The following UBASH3A variants were observed in gnomAD, a reference collection of about 807,000 sequenced individuals.
UBASH3A encodes the protein ubiquitin associated and SH3 domain containing A.
UBASH3A carries 63 observed loss-of-function variants against 73.5 expected under a neutral mutation model. The observed-to-expected ratio is 0.86, with a 90% CI of 0.70 to 1.06. UBASH3A has a LOEUF of 1.06. UBASH3A is among the 50% of genes least tolerant of loss of function. UBASH3A has a pLI of 0.00. For missense variants in UBASH3A, 860 were observed against 859.0 expected, an observed-to-expected ratio of 1.00 and a Z score of -0.02; for synonymous variants, 363 against 351.1, an observed-to-expected ratio of 1.03 and a Z score of -0.38.
intron 2 of UBASH3A, among the ~76,000 whole-genome samples, chr21:42,406,707 T>C (rs1038822885): frequency 2.6e-5 from 4 of 151,972 alleles, no homozygotes; most frequent in African/African-American, 9.7e-5. Context: ...AGCACGTAAA[T>C]GAGGGTAATT....
At chr21:42,412,541 G>A (rs536439040) in intron 3 of UBASH3A, among the ~76,000 whole-genome samples, 1 of 152,188 alleles carries the variant, frequency 6.6e-6, no homozygotes, top group East Asian at 1.9e-4. Flanking sequence ...TGTGGAACCC[G>A]ACTCAGTGCT....
At chr21:42,429,276 G>A (rs1415793894) in intron 8 of UBASH3A, among the ~76,000 whole-genome samples, 2 of 152,178 alleles carry the variant, frequency 1.3e-5, no homozygotes, top group African/African-American at 4.8e-5. Context: ...GAGAATAAAT[G>A]TCTCTTGCTT....
intron 7 of UBASH3A, among the ~76,000 whole-genome samples, chr21:42,424,239 C>T (rs538095004): frequency 6.6e-6 from 1 of 152,102 alleles, no homozygotes; most frequent in East Asian, 1.9e-4. Flanking sequence ...GACCTGCAGG[C>T]GCACCAGGAG....
At chr21:42,410,761 A>G (rs1450543204) in intron 3 of UBASH3A, among the ~76,000 whole-genome samples, 1 of 152,044 alleles carries the variant, frequency 6.6e-6, no homozygotes, top group African/African-American at 2.4e-5. Context: ...CTCCTTCCCC[A>G]GCCCACTGAG....
chr21:42,439,663 C>T (rs572993314), intron 11 of UBASH3A, among the ~76,000 whole-genome samples: 2 of 150,064 alleles, frequency 1.3e-5, no homozygotes, highest in East Asian at 3.9e-4. Context: ...CCACACACAC[C>T]ACACACACAC....
chr21:42,432,268 T>G, intron 9 of UBASH3A, 66 bp downstream of exon 9: 1 of 1,064,788 alleles, frequency 9.4e-7, no homozygotes, highest in Non-Finnish European at 1.4e-6. Context: ...GATCTCCTTC[T>G]TAATGACCTT....
intron 8 of UBASH3A, among the ~76,000 whole-genome samples, chr21:42,428,239 C>A (rs1028448081): frequency 6.6e-6 from 1 of 152,158 alleles, no homozygotes; most frequent in African/African-American, 2.4e-5. Flanking sequence ...AACAGTCAAC[C>A]CACACGCAGC....
chr21:42,446,594 AGG>A (rs1453345043), intron 14 of UBASH3A, among the ~76,000 whole-genome samples: 2 of 152,276 alleles, frequency 1.3e-5, no homozygotes, highest in Non-Finnish European at 2.9e-5. Flanking sequence ...TCACAGATGA[AGG>A]GATGGAGGTC....
In UBASH3A at chr21:42,409,593, CTG is replaced by C. The variant is rs1269272693; in HGVS notation, c.342_343del (p.Cys114Ter). 15 of 1,610,628 alleles carry C rather than the reference CTG, an allele frequency of 9.3e-6. No individual in the cohort carries two copies. The highest frequency in any genetic ancestry group is 5.1e-5 in the Admixed American group (3 of 59,184). ...ATGAGGTCTTCCCACACGTGACACT[CTG>C]TGACTTCTTCACGGTGAGTCAACCC... ...AHEVFPHVTLCDFFTCEDQKV... is the reference protein window; with the variant it reads ...AHEVFPHVTLXDFFTCEDQKV... On this transcript the variant is annotated frameshift_variant, in exon 3 of 15. Transcript: ENST00000319294. LOFTEE classifies it high-confidence loss of function.
At chr21:42,438,857 C>T (rs866689208) in intron 11 of UBASH3A, among the ~76,000 whole-genome samples, 3 of 151,956 alleles carry the variant, frequency 2.0e-5, no homozygotes, top group East Asian at 3.9e-4. Context: ...GAGGAAGCCA[C>T]GTCCTGCAGG....
chr21:42,439,126 G>A (rs573014288), intron 11 of UBASH3A, among the ~76,000 whole-genome samples: 8 of 152,226 alleles, frequency 5.3e-5, no homozygotes, highest in East Asian at 1.9e-4. Flanking sequence ...AGCCAGGAGC[G>A]GACCTGGTTC....
intron 1 of UBASH3A, among the ~76,000 whole-genome samples, chr21:42,405,634 G>A (rs975409262): frequency 1.3e-5 from 2 of 152,168 alleles, no homozygotes; most frequent in African/African-American, 4.8e-5. Context: ...GACGCCCGCT[G>A]TTTCCAGTCT....
In UBASH3A at chr21:42,406,411, T is replaced by C. The variant is rs1460182119; in HGVS notation, c.167+50T>C. The C allele has an allele frequency of 4.6e-6, 7 of 1,509,518 alleles. No individual in the cohort carries two copies. In the South Asian group the frequency reaches 6.7e-5, roughly 15 times the overall value. The allele number at this position is 1,509,518 out of a possible 1,614,324, so 93.5% of individuals were successfully genotyped here. A position where few individuals can be genotyped will look rare whatever the true frequency, so the allele number is the denominator to read the frequency against. The stretch of plus-strand genomic sequence containing the variant: ...CCAGGGGCGTTTGGGCTGAATTCCC[T>C]GTGCCTAAGGACTCCCTCCCACCAG... On this transcript the variant is annotated intron_variant, in intron 2 of 14. Transcript: ENST00000319294.
chr21:42,416,448 C>T lies in UBASH3A; in HGVS notation c.674C>T (p.Ser225Phe), dbSNP rs376288224. The T allele has an allele frequency of 2.2e-5, 34 of 1,576,948 alleles. No individual in the cohort carries two copies. The highest frequency in any genetic ancestry group is 2.9e-5 in the Non-Finnish European group (34 of 1,164,080). The stretch of plus-strand genomic sequence containing the variant: ...TGTTTCCCTGATTTCACAGACTGCT[C>T]CGTGAAGCCTTGCACCAAACAGCTG... ...VSHYILQKYCSVKPCTKQLHL... is the reference protein window; with the variant it reads ...VSHYILQKYCFVKPCTKQLHL... The change falls in exon 6 of 15, where the codon TCC becomes TTC. Residue 225 changes from serine (S) to phenylalanine (F), a missense_variant. Ser to Phe is a radical substitution (Grantham distance 155). Coordinates refer to ENST00000319294, the MANE Select transcript of UBASH3A (RefSeq NM_018961.4).
At position 42,416,619 on chromosome 21, in the gene UBASH3A, A is replaced by T; in HGVS notation, c.837+8A>T. The T allele has an allele frequency of 1.3e-6, 2 of 1,557,676 alleles. No individual in the cohort carries two copies. Among genetic ancestry groups the T allele is most frequent in the Non-Finnish European group, 1.7e-6 (2 of 1,150,782 alleles). ...CGCTTTGTGCACTACCAGGTGAGAGAGCTGAGCAGGGGCTCATAAGAAGCA... is the reference window on the plus strand; with the variant it reads ...CGCTTTGTGCACTACCAGGTGAGAGTGCTGAGCAGGGGCTCATAAGAAGCA... On this transcript the variant is annotated splice_region_variant and intron_variant, in intron 6 of 14. Transcript: ENST00000319294.
rs1257714854 is a variant in UBASH3A, at chr21:42,437,436, C to T, written c.1394-52C>T. 7 of 1,541,440 alleles carry T rather than the reference C, an allele frequency of 4.5e-6. No individual in the cohort carries two copies. In the African/African-American group the frequency reaches 8.2e-5, roughly 18 times the overall value. ...AGGGAGCACATGGCTCATCTGCCAT[C>T]AGAGGCTAGAATTATGAAGGGGCAT... On this transcript the variant is annotated intron_variant, in intron 10 of 14. Transcript: ENST00000319294.
intron 1 of UBASH3A, 62 bp downstream of exon 1, chr21:42,404,120 G>A (rs2052919473): frequency 6.0e-6 from 6 of 1,007,604 alleles, no homozygotes; most frequent in Non-Finnish European, 5.4e-6. Context: ...CCCTGCTGCG[G>A]CCCCCGGCAT....
intron 3 of UBASH3A, among the ~76,000 whole-genome samples, chr21:42,412,677 A>C (rs1601562092): frequency 6.6e-6 from 1 of 152,220 alleles, no homozygotes; most frequent in African/African-American, 2.4e-5. Context: ...AATCATGCAA[A>C]CCTGAGCAAA....
At position 42,447,064 on chromosome 21, in the gene UBASH3A, C is replaced by T; in HGVS notation, c.1856C>T (p.Ser619Phe). The T allele has an allele frequency of 6.2e-7, 1 of 1,613,264 alleles. No individual in the cohort carries two copies. Among genetic ancestry groups the T allele is most frequent in the Non-Finnish European group, 8.5e-7 (1 of 1,179,718 alleles). Residue 619 changes from serine (S) to phenylalanine (F), a missense_variant, in exon 15 of 15, where the codon TCC (serine) becomes TTC (phenylalanine). By Grantham distance (155) the Ser-to-Phe change is radical. Coordinates refer to ENST00000319294, the MANE Select transcript of UBASH3A (RefSeq NM_018961.4). The stretch of plus-strand genomic sequence containing the variant: ...TTTAAAACTCTGTTCCAGATCCCTT[C>T]CCTGGGCATGTGCTTCTGTGAAGAA... ...DFAQLVRKIP[S>F]LGMCFCEENK...
Sources: gnomAD v4.1 joint callset for allele counts (sites outside exome capture counted in the v4.1 genomes callset) on GRCh38, gnomAD v4.1.1 for gene constraint, MANE v1.5 for transcripts, NCBI Gene and HGNC (gene_info 2026-07-23, HGNC 2026-07-21) for gene names.